Variants in LCLAT1 observed in about 807,000 individuals in gnomAD.
LCLAT1 encodes 1-AGP acyltransferase 8.
In LCLAT1, 11 loss-of-function variants were observed where a neutral mutation model predicts 30.7. That is an observed-to-expected ratio of 0.36 (90% CI 0.23 to 0.59). The LOEUF is 0.59. Among genes scored for constraint, LCLAT1 ranks in the 20% least tolerant of loss-of-function variants. The probability of loss-of-function intolerance (pLI) is 0.77; values close to 1 mark genes in which losing one functional copy is unlikely to be tolerated. For synonymous variants in LCLAT1, 155 were observed against 151.3 expected, an observed-to-expected ratio of 1.02 and a Z score of -0.18; for missense variants, 402 against 458.6, an observed-to-expected ratio of 0.88 and a Z score of 1.13.
In LCLAT1 at chr2:30,618,413, TA is replaced by T. The variant is rs1334804634; in HGVS notation, c.629-21703del. Among the ~76,000 whole-genome samples the T allele has an allele frequency of 2.6e-5, 4 of 152,300 alleles. No homozygotes were observed. The East Asian group carries it at 7.7e-4, about 29-fold the overall frequency. On this transcript the variant is annotated intron_variant, in intron 5 of 5. Coordinates refer to ENST00000379509, the MANE Select transcript of LCLAT1 (RefSeq NM_001002257.3). ...ATGAACATAGTATATCTCCCATTTA[TA>T]TGGGTCTTTCTCTCAGTCATGTTTT...
intron 5 of LCLAT1, among the ~76,000 whole-genome samples, chr2:30,636,957 A>G (rs1177086314): frequency 6.6e-6 from 1 of 152,218 alleles, no homozygotes; most frequent in Non-Finnish European, 1.5e-5. Context: ...GAAAGGTGAT[A>G]CTGATGAAGA....
chr2:30,530,245 G>T (rs969437108), intron 2 of LCLAT1, among the ~76,000 whole-genome samples: 2 of 152,162 alleles, frequency 1.3e-5, no homozygotes, highest in African/African-American at 4.8e-5. Flanking sequence ...AAATAAACAT[G>T]AGAAATGTGA....
chr2:30,471,592 A>G (rs753261129), intron 1 of LCLAT1, among the ~76,000 whole-genome samples: 4 of 152,194 alleles, frequency 2.6e-5, no homozygotes, highest in Non-Finnish European at 5.9e-5. Context: ...TGTGGTTTTC[A>G]AAGTGTCTTT....
chr2:30,460,994 C>T (rs1478236817), intron 1 of LCLAT1, among the ~76,000 whole-genome samples: 4 of 152,216 alleles, frequency 2.6e-5, no homozygotes, highest in African/African-American at 9.6e-5. Flanking sequence ...TTGCTCTGTG[C>T]ACCTCTTCCA....
intron 5 of LCLAT1, among the ~76,000 whole-genome samples, chr2:30,593,116 C>T (rs546833256): frequency 6.4e-4 from 98 of 152,268 alleles, no homozygotes; most frequent in African/African-American, 2.3e-3. Flanking sequence ...TCTCTGCCTC[C>T]ATGAGATCCA....
intron 5 of LCLAT1, among the ~76,000 whole-genome samples, chr2:30,624,607 C>G (rs1248437395): frequency 2.6e-5 from 4 of 152,114 alleles, no homozygotes; most frequent in Non-Finnish European, 5.9e-5. Context: ...CTGGAGCTCC[C>G]AAATTTGTAG....
At chr2:30,564,880 TGTTG>T (rs1162110553) in intron 4 of LCLAT1, among the ~76,000 whole-genome samples, 1 of 152,208 alleles carries the variant, frequency 6.6e-6, no homozygotes, top group Non-Finnish European at 1.5e-5. Flanking sequence ...CATATTTTAT[TGTTG>T]GTTATAACTT....
intron 5 of LCLAT1, among the ~76,000 whole-genome samples, chr2:30,590,137 T>C (rs1666625878): frequency 6.6e-6 from 1 of 152,180 alleles, no homozygotes; most frequent in South Asian, 2.1e-4. Context: ...TTTTAGAATC[T>C]GTTATGTCCA....
chr2:30,472,407 T>C (rs897456839), intron 1 of LCLAT1, among the ~76,000 whole-genome samples: 1 of 152,182 alleles, frequency 6.6e-6, no homozygotes, highest in Non-Finnish European at 1.5e-5. Flanking sequence ...TTTTATTTTG[T>C]GTTAATTTCT....
intron 1 of LCLAT1, among the ~76,000 whole-genome samples, chr2:30,486,066 A>G (rs829681): frequency 6.6e-6 from 1 of 151,928 alleles, no homozygotes; most frequent in Non-Finnish European, 1.5e-5. Context: ...AGGACTAAAT[A>G]TTTTCTAATT....
chr2:30,583,342 C>T (rs571446002), intron 5 of LCLAT1, among the ~76,000 whole-genome samples: 70 of 152,314 alleles, frequency 4.6e-4, no homozygotes, highest in African/African-American at 1.2e-3. Context: ...TCATGGGTTT[C>T]GTTGTTTCAT....
rs552526696 is a variant in LCLAT1 at position 30,616,278 on chromosome 2, C to A, written c.629-23839C>A. Among the ~76,000 whole-genome samples the A allele has an allele frequency of 2.6e-5, 4 of 152,150 alleles. No homozygotes were observed. In the East Asian group the frequency reaches 7.7e-4, roughly 29 times the overall value. On this transcript the variant is annotated intron_variant, in intron 5 of 5. Transcript: ENST00000379509. ...TTCCAAATGTGTTGAGTTTCTGAATCATAGTATTGATTAAAAGCAAAAATA... is the reference window on the plus strand; with the variant it reads ...TTCCAAATGTGTTGAGTTTCTGAATAATAGTATTGATTAAAAGCAAAAATA...
intron 1 of LCLAT1, among the ~76,000 whole-genome samples, chr2:30,468,728 C>G (rs556982246): frequency 2.6e-5 from 4 of 152,270 alleles, no homozygotes; most frequent in African/African-American, 9.6e-5. Flanking sequence ...AGTCTGCTTT[C>G]ATTTCTATGG....
chr2:30,461,681 C>T (rs1682135862), intron 1 of LCLAT1, among the ~76,000 whole-genome samples: 2 of 152,022 alleles, frequency 1.3e-5, no homozygotes, highest in Admixed American at 6.5e-5. Flanking sequence ...TTTACTTAAC[C>T]CTTTGGGTTG....
chr2:30,456,402 G>A (rs1384445195), intron 1 of LCLAT1, among the ~76,000 whole-genome samples: 1 of 141,904 alleles, frequency 7.0e-6, no homozygotes, highest in African/African-American at 2.5e-5. Context: ...CTCCCTGGCA[G>A]GGGAAGGGGG....
intron 1 of LCLAT1, among the ~76,000 whole-genome samples, chr2:30,455,710 C>G (rs932759442): frequency 1.1e-4 from 17 of 151,798 alleles, no homozygotes; most frequent in African/African-American, 3.4e-4. Flanking sequence ...AAGTTGAAGA[C>G]CAGCCTGGGA....
chr2:30,504,487 C>T (rs192817107), intron 1 of LCLAT1, among the ~76,000 whole-genome samples: 46 of 151,646 alleles, frequency 3.0e-4, no homozygotes, highest in African/African-American at 1.1e-3. Flanking sequence ...TTTATCATTC[C>T]TATCTCAATT....
chr2:30,495,209 G>T (rs1308080352), intron 1 of LCLAT1, among the ~76,000 whole-genome samples: 2 of 151,868 alleles, frequency 1.3e-5, no homozygotes, highest in Non-Finnish European at 2.9e-5. Context: ...AGGATTTTTT[G>T]TTCTTGCCCA....
chr2:30,608,049 G>T (rs1384870878), intron 5 of LCLAT1, among the ~76,000 whole-genome samples: 1 of 152,002 alleles, frequency 6.6e-6, no homozygotes, highest in Non-Finnish European at 1.5e-5. Context: ...ACATTTAGAA[G>T]TTTACTCACA....
Sources: allele counts gnomAD v4.1 joint callset (sites outside exome capture counted in the v4.1 genomes callset), GRCh38; gene constraint gnomAD v4.1.1; transcripts MANE v1.5; gene names NCBI Gene and HGNC (gene_info 2026-07-23, HGNC 2026-07-21).